PAPOLG: variants seen among roughly 807,000 people sequenced by gnomAD.
The protein encoded by PAPOLG is poly(A) polymerase gamma.
In PAPOLG, 40 loss-of-function variants were observed where a neutral mutation model predicts 99.0. That is an observed-to-expected ratio of 0.40 (90% CI 0.31 to 0.53). The LOEUF (loss-of-function observed/expected upper bound fraction) is 0.53. Ranked by LOEUF, PAPOLG falls within the 20% of genes least tolerant of loss-of-function variation. The probability of loss-of-function intolerance (pLI) is 0.41; values close to 1 mark genes in which losing one functional copy is unlikely to be tolerated. For missense variants in PAPOLG, 675 were observed against 884.1 expected (o/e 0.76, Z 3.00); for synonymous variants, 310 against 299.3 (o/e 1.04, Z -0.37).
At chr2:60,791,025 GT>G (rs1671515383) in intron 15 of PAPOLG, among the ~76,000 whole-genome samples, 1 of 151,850 alleles carries the variant, frequency 6.6e-6, no homozygotes, top group Non-Finnish European at 1.5e-5. Flanking sequence ...GGAGGCAGAG[GT>G]TGCAATGAGT....
At chr2:60,787,709 A>G (rs996735710) in intron 15 of PAPOLG, 89 bp downstream of exon 15, 2 of 1,476,160 alleles carry the variant, frequency 1.4e-6, no homozygotes, top group Non-Finnish European at 9.1e-7. Context: ...TGTACTTATT[A>G]AAGTTCCACA....
chr2:60,785,148 T>C (rs1370259358), intron 13 of PAPOLG, among the ~76,000 whole-genome samples: 1 of 151,436 alleles, frequency 6.6e-6, no homozygotes, highest in Non-Finnish European at 1.5e-5. Context: ...TGTTTTTTGT[T>C]TTTTTTTTGA....
In PAPOLG at chr2:60,771,582, G is replaced by A. The variant is rs1288268997; in HGVS notation, c.556G>A (p.Asp186Asn). 3.7e-6 allele frequency: 6 copies of A among 1,608,124 alleles called. No homozygotes were observed. The African/African-American group carries it at 6.7e-5, about 18-fold the overall frequency. Residue 186 changes from aspartate (D) to asparagine (N), a missense_variant, in exon 7 of 22, where the codon GAC (aspartate) becomes AAC (asparagine). By Grantham distance (23) the Asp-to-Asn change is conservative. This residue lies in a region of PAPOLG where 113 missense variants were observed against 231.5 expected (regional missense o/e 0.49). Coordinates refer to ENST00000238714, the MANE Select transcript of PAPOLG (RefSeq NM_022894.4). ...TISDNLDLRD[D>N]SRLRSLDIRC... ...ATCAGATAATTTAGATCTAAGAGACGACTCTCGCCTGAGAAGCCTTGATAT... is the reference window on the plus strand; with the variant it reads ...ATCAGATAATTTAGATCTAAGAGACAACTCTCGCCTGAGAAGCCTTGATAT...
chr2:60,772,535 G>A (rs1341032920), intron 7 of PAPOLG, among the ~76,000 whole-genome samples: 3 of 151,582 alleles, frequency 2.0e-5, no homozygotes, highest in Admixed American at 6.6e-5. Flanking sequence ...GATCACCTGA[G>A]GTCAGGAGTT....
At chr2:60,776,281 A>G (rs1189076747) in intron 8 of PAPOLG, among the ~76,000 whole-genome samples, 2 of 152,126 alleles carry the variant, frequency 1.3e-5, no homozygotes, top group African/African-American at 4.8e-5. Flanking sequence ...GGGCTTTAAA[A>G]TACTCAGTAA....
At chr2:60,787,360 C>T (rs1029326526) in intron 14 of PAPOLG, 151 bp from the exon 15 acceptor site, 4 of 1,008,916 alleles carry the variant, frequency 4.0e-6, no homozygotes, top group Middle Eastern at 3.3e-4. Context: ...CTTACCAGTT[C>T]TGGATGTCAC....
At chr2:60,778,228 C>G (rs1199391329) in intron 8 of PAPOLG, among the ~76,000 whole-genome samples, 1 of 152,150 alleles carries the variant, frequency 6.6e-6, no homozygotes, top group Non-Finnish European at 1.5e-5. Flanking sequence ...CTCACTGCAG[C>G]CTCAACCTTC....
intron 10 of PAPOLG, among the ~76,000 whole-genome samples, chr2:60,781,121 C>G (rs1167959404): frequency 6.6e-6 from 1 of 152,110 alleles, no homozygotes; most frequent in Non-Finnish European, 1.5e-5. Context: ...TTTGGGAGGC[C>G]GAGGCGGGTG....
At chr2:60,767,377 G>A in intron 3 of PAPOLG, among the ~76,000 whole-genome samples, 1 of 143,108 alleles carries the variant, frequency 7.0e-6, no homozygotes. Flanking sequence ...AGGTCTCACT[G>A]TTGTTGAGGC....
chr2:60,770,634 T>G, intron 6 of PAPOLG, 123 bp downstream of exon 6: 1 of 608,192 alleles, frequency 1.6e-6, no homozygotes, highest in Non-Finnish European at 2.7e-6. Context: ...TTTTTTTTTT[T>G]TAATGAAGAG....
intron 11 of PAPOLG, among the ~76,000 whole-genome samples, chr2:60,782,262 T>C (rs905795899): frequency 2.6e-5 from 4 of 152,176 alleles, no homozygotes; most frequent in Non-Finnish European, 4.4e-5. Context: ...TATATTTATA[T>C]TTTGTTACTC....
At chr2:60,793,568 AAGG>A in intron 17 of PAPOLG, 56 bp from the exon 18 acceptor site, 8 of 1,580,020 alleles carry the variant, frequency 5.1e-6, no homozygotes, top group South Asian at 1.1e-5. Flanking sequence ...TTTCTCAAAA[AAGG>A]AGAAAAAAAG....
intron 4 of PAPOLG, 69 bp downstream of exon 4, chr2:60,768,620 G>A (rs1670756758): frequency 6.4e-6 from 9 of 1,411,020 alleles, no homozygotes; most frequent in Non-Finnish European, 8.9e-6. Flanking sequence ...AGAAAATGTA[G>A]GAGAACAAAG....
At chr2:60,787,943 G>T (rs1671416412) in intron 15 of PAPOLG, among the ~76,000 whole-genome samples, 1 of 151,990 alleles carries the variant, frequency 6.6e-6, no homozygotes, top group African/African-American at 2.4e-5. Context: ...TTGGGAGGCT[G>T]AGGCAGGAAA....
At position 60,801,223 on chromosome 2, in the gene PAPOLG, C is replaced by T. The variant is rs936231649; in HGVS notation, c.*4063C>T. The T allele has an allele frequency of 6.6e-6, 1 of 150,610 alleles. No individual in the cohort carries two copies. Among genetic ancestry groups the T allele is most frequent in the Non-Finnish European group, 1.5e-5 (1 of 67,594 alleles). 9.3% of individuals were successfully genotyped at this position (150,610 alleles called of 1,614,324 possible). A position where few individuals can be genotyped will look rare whatever the true frequency, so the allele number is the denominator to read the frequency against. On this transcript the variant is annotated 3_prime_UTR_variant, in exon 22 of 22. Coordinates refer to ENST00000238714, the MANE Select transcript of PAPOLG (RefSeq NM_022894.4). ...GTAGTTCAGGCCAGAACAAACTAAA[C>T]AGACCAATAAATATAAAAGTGATAG...
At chr2:60,777,405 G>A (rs930275170) in intron 8 of PAPOLG, among the ~76,000 whole-genome samples, 3 of 152,150 alleles carry the variant, frequency 2.0e-5, no homozygotes, top group African/African-American at 7.2e-5. Context: ...GTGGTGAGCT[G>A]AGATGGCACC....
Position 60,768,454 on chromosome 2 carries a change from CTTAAT to C in PAPOLG, c.247-13_247-9del, listed in dbSNP as rs1670751006. The stretch of plus-strand genomic sequence containing the variant: ...AATTTGAATAATTGAATGTCTTCCG[CTTAAT>C]TTTATTTTAGAACCTCCCACCTTCT... On this transcript the variant is annotated splice_polypyrimidine_tract_variant and intron_variant, in intron 3 of 21. Coordinates refer to ENST00000238714, the MANE Select transcript of PAPOLG (RefSeq NM_022894.4). 1 of 1,611,608 alleles carries C rather than the reference CTTAAT, an allele frequency of 6.2e-7. No homozygotes were observed. Among genetic ancestry groups the C allele is most frequent in the Non-Finnish European group, 8.5e-7 (1 of 1,178,958 alleles).
chr2:60,795,158 A>C, intron 21 of PAPOLG, 138 bp downstream of exon 21: 1 of 732,178 alleles, frequency 1.4e-6, no homozygotes, highest in Non-Finnish European at 2.3e-6. Context: ...CTAGCAGTGT[A>C]GTTGGGGTTG....
rs779475434 is a variant in PAPOLG at position 60,783,227 on chromosome 2, A to T, written c.1166+18A>T. The T allele has an allele frequency of 6.7e-7, 1 of 1,496,804 alleles. No individual in the cohort carries two copies. Among genetic ancestry groups the T allele is most frequent in the Admixed American group, 1.8e-5 (1 of 54,682 alleles). 92.7% of individuals were successfully genotyped at this position (1,496,804 alleles called of 1,614,324 possible). On this transcript the variant is annotated intron_variant, in intron 13 of 21. Coordinates refer to ENST00000238714, the MANE Select transcript of PAPOLG (RefSeq NM_022894.4). ...CTAGAGTGGTAAGACTTCTATTTCA[A>T]GTTTTCTACCTACTGTGTGGTGATA...
Sources: gnomAD v4.1 joint callset for allele counts (sites outside exome capture counted in the v4.1 genomes callset) on GRCh38, gnomAD v4.1.1 for gene constraint, gnomAD v4.1.1 regional missense constraint, MANE v1.5 for transcripts, NCBI Gene and HGNC (gene_info 2026-07-23, HGNC 2026-07-21) for gene names.